The following GATA2 variants were observed in gnomAD, a reference collection of about 807,000 sequenced individuals.
GATA2 encodes the protein GATA binding protein 2.
Under a neutral mutation model 35.7 loss-of-function variants are expected in GATA2, and 6 were observed. The observed-to-expected ratio is 0.17, with a 90% CI of 0.09 to 0.33. The LOEUF (loss-of-function observed/expected upper bound fraction) is 0.33, where lower values mean the gene tolerates loss of function less well. Ranked by LOEUF, GATA2 falls within the 10% of genes least tolerant of loss-of-function variation. The pLI, the probability that GATA2 is intolerant of heterozygous loss-of-function variation, is 1.00. For missense variants in GATA2, 541 were observed against 656.6 expected (o/e 0.82, Z 1.92); for synonymous variants, 313 against 274.9 (o/e 1.14, Z -1.37).
At position 128,486,842 on chromosome 3, in the gene GATA2, C is replaced by A. The variant is rs370831063; in HGVS notation, c.190G>T (p.Ala64Ser). Residue 64 changes from alanine (A) to serine (S), a missense_variant, in exon 2 of 6, where the codon GCT becomes TCT. Coordinates refer to ENST00000341105, the MANE Select transcript of GATA2 (RefSeq NM_032638.5). ...TAGGAGACGCGCGCCCGCGCGTGAG[C>A]GGGGTTGGCATAGTAGGGGTTGCCC... Reference protein sequence around the residue: ...SQGNPYYANPAHARARVSYSP... With the variant: ...SQGNPYYANPSHARARVSYSP... 3.1e-6 allele frequency: 5 copies of A among 1,611,468 alleles called. No homozygotes were observed. In the East Asian group the frequency reaches 8.9e-5, roughly 29 times the overall value.
chr3:128,488,524 A>T lies in GATA2; in HGVS notation c.-45-1448T>A, dbSNP rs1373041837. On this transcript the variant is annotated intron_variant, in intron 1 of 5. Transcript: ENST00000341105. The surrounding 1 kb of genome is among the most constrained non-coding windows in gnomAD (Gnocchi z 5.8). Reference sequence around the variant, plus strand: ...ACGCGGCCGCTCAGGGCTGTGCTTGACCCAGTGGAGGTGGCCCGGCCGGTG... The same window carrying T: ...ACGCGGCCGCTCAGGGCTGTGCTTGTCCCAGTGGAGGTGGCCCGGCCGGTG... 2.6e-5 allele frequency: 4 copies of T among 152,028 alleles called. No individual in the cohort carries two copies. The highest frequency in any genetic ancestry group is 4.4e-5 in the Non-Finnish European group (3 of 68,178). 9.4% of individuals were successfully genotyped at this position (152,028 alleles called of 1,614,324 possible).
Position 128,486,939 on chromosome 3 carries a change from G to A in GATA2, c.93C>T (p.His31=), listed in dbSNP as rs1010470274. ...HPDSHHPGLA[H]NYMEPAQLLP... The stretch of plus-strand genomic sequence containing the variant: ...GCAGCTGCGCGGGTTCCATGTAGTT[G>A]TGCGCCAGGCCCGGGTGGTGTGAGT... The change falls in exon 2 of 6, where the codon CAC becomes CAT. Residue 31 remains histidine, a synonymous_variant. Coordinates refer to ENST00000341105, the MANE Select transcript of GATA2 (RefSeq NM_032638.5). 6.2e-7 allele frequency: 1 copy of A among 1,613,036 alleles called. No individual in the cohort carries two copies. The highest frequency in any genetic ancestry group is 8.5e-7 in the Non-Finnish European group (1 of 1,179,626).
Position 128,486,953 on chromosome 3 carries a change from G to C in GATA2, c.79C>G (p.Pro27Ala). 6.2e-7 allele frequency: 1 copy of C among 1,612,608 alleles called. No individual in the cohort carries two copies. Among genetic ancestry groups the C allele is most frequent in the Non-Finnish European group, 8.5e-7 (1 of 1,179,454 alleles). Reference protein sequence around the residue: ...LNAQHPDSHHPGLAHNYMEPA... With the variant: ...LNAQHPDSHHAGLAHNYMEPA... ...TCCATGTAGTTGTGCGCCAGGCCCG[G>C]GTGGTGTGAGTCGGGGTGCTGCGCA... Residue 27 changes from proline to alanine, a missense_variant, in exon 2 of 6, where the codon CCG becomes GCG. Around this residue, in one of 5 missense-constraint regions of GATA2, gnomAD observed 389 missense variants for 396.9 expected, o/e 0.98. Coordinates refer to ENST00000341105, the MANE Select transcript of GATA2 (RefSeq NM_032638.5).
At chr3:128,483,781 G>A (rs2068659696) in intron 4 of GATA2, 79 bp downstream of exon 4, 3 of 1,582,138 alleles carry the variant, frequency 1.9e-6, no homozygotes, top group Non-Finnish European at 2.6e-6. Flanking sequence ...GTCTGCATTT[G>A]AAGGAGTTTT....
rs984462931 is a variant in GATA2 at position 128,481,196 on chromosome 3, C to T, written c.1266G>A (p.Gln422=). ...ECFEELSKCM[Q]EKSSPFSAAA... ...CTGCACTGAAGGGGGATGACTTCTC[C>T]TGCATGCACTTTGACAGCTCCTCGA... The change falls in exon 6 of 6, where the codon CAG becomes CAA. Residue 422 remains glutamine (Q), a synonymous_variant. Coordinates refer to ENST00000341105, the MANE Select transcript of GATA2 (RefSeq NM_032638.5). 1 of 1,614,240 alleles carries T rather than the reference C, an allele frequency of 6.2e-7. No individual in the cohort carries two copies. The highest frequency in any genetic ancestry group is 1.7e-5 in the Admixed American group (1 of 60,034).
intron 1 of GATA2, chr3:128,490,416 G>C (rs1353368837): frequency 6.6e-6 from 1 of 152,258 alleles, no homozygotes; most frequent in Non-Finnish European, 1.5e-5. Context: ...ATCCGGTGTA[G>C]AGGAAAAAAA....
intron 1 of GATA2, chr3:128,492,099 A>T (rs2068774471): frequency 6.6e-6 from 1 of 152,176 alleles, no homozygotes; most frequent in Non-Finnish European, 1.5e-5. Flanking sequence ...ACCTCGGGAG[A>T]GGAGGCTTTT....
At chr3:128,484,781 C>G (rs1175457251) in intron 3 of GATA2, among the ~76,000 whole-genome samples, 1 of 152,054 alleles carries the variant, frequency 6.6e-6, no homozygotes, top group Non-Finnish European at 1.5e-5. Flanking sequence ...TCAGCGGGTG[C>G]TGGGGCCAGC....
chr3:128,487,437 T>G (rs574344137), intron 1 of GATA2, among the ~76,000 whole-genome samples: 1 of 150,814 alleles, frequency 6.6e-6, no homozygotes, highest in African/African-American at 2.4e-5. Flanking sequence ...GACTCAAAAG[T>G]TGGAGACAGG....
At position 128,481,931 on chromosome 3, in the gene GATA2, C is replaced by T. The variant is rs1559985140; in HGVS notation, c.1031G>A (p.Arg344Lys). ...KPKRRLSAARRAGTCCANCQT... is the reference protein window; with the variant it reads ...KPKRRLSAARKAGTCCANCQT... ...ACAATTTGCACAACAGGTGCCGGCT[C>T]TTCTGGCGGCCGACTGGGAGGGCAA... The change falls in exon 5 of 6, where the codon AGA (arginine) becomes AAA (lysine). Residue 344 changes from arginine (R) to lysine (K), a missense_variant. Arg to Lys is a conservative substitution (Grantham distance 26). Transcript: ENST00000341105. 5.0e-6 allele frequency: 8 copies of T among 1,613,700 alleles called. No individual in the cohort carries two copies. Among genetic ancestry groups the T allele is most frequent in the Non-Finnish European group, 6.8e-6 (8 of 1,180,014 alleles).
chr3:128,487,449 G>T (rs901822620), intron 1 of GATA2, among the ~76,000 whole-genome samples: 1 of 151,768 alleles, frequency 6.6e-6, no homozygotes, highest in South Asian at 2.1e-4. Flanking sequence ...GGAGACAGGC[G>T]CCCGGGCACC....
At position 128,480,792 on chromosome 3, in the gene GATA2, C is replaced by T. The variant is rs2068615645; in HGVS notation, c.*227G>A. 1.8e-6 allele frequency: 1 copy of T among 544,086 alleles called. No individual in the cohort carries two copies. Among genetic ancestry groups the T allele is most frequent in the Admixed American group, 3.4e-5 (1 of 29,682 alleles). The allele number at this position is 544,086 out of a possible 1,614,324, so 33.7% of individuals were successfully genotyped here. ...TCCTTGTTGTTCTCCAAACAACTGT[C>T]CATGCAGGAAACCCCACCTGGGCAG... On this transcript the variant is annotated 3_prime_UTR_variant, in exon 6 of 6. Transcript: ENST00000341105.
At position 128,480,746 on chromosome 3, in the gene GATA2, C is replaced by G; in HGVS notation, c.*273G>C. The G allele has an allele frequency of 2.1e-6, 1 of 466,992 alleles. No individual in the cohort carries two copies. The highest frequency in any genetic ancestry group is 3.8e-6 in the Non-Finnish European group (1 of 266,358). The allele number at this position is 466,992 out of a possible 1,614,324, so 28.9% of individuals were successfully genotyped here. A position where few individuals can be genotyped will look rare whatever the true frequency, so the allele number is the denominator to read the frequency against. On this transcript the variant is annotated 3_prime_UTR_variant, in exon 6 of 6. Coordinates refer to ENST00000341105, the MANE Select transcript of GATA2 (RefSeq NM_032638.5). ...GTTGCCTTCGTCTGTCCCGTCCCCT[C>G]CTTTTCTCTACATAAAGTTGTCCTT...
At position 128,483,842 on chromosome 3, in the gene GATA2, A is replaced by G; in HGVS notation, c.1017+18T>C. On this transcript the variant is annotated intron_variant, in intron 4 of 5. Transcript: ENST00000341105. ...CCTGCCCAGCAGCCCCCTCCCAGCC[A>G]CCTGTGCCCGCTCCTACCAGTCTTC... The G allele has an allele frequency of 6.2e-7, 1 of 1,613,976 alleles. No individual in the cohort carries two copies.
intron 1 of GATA2, chr3:128,490,169 C>T (rs1372621596): frequency 6.6e-6 from 1 of 152,228 alleles, no homozygotes; most frequent in Non-Finnish European, 1.5e-5. Context: ...CGGCGTCTAA[C>T]CCCTCCGCGG....
At chr3:128,481,454 T>C in intron 5 of GATA2, 136 bp from the exon 6 acceptor site, 2 of 976,016 alleles carry the variant, frequency 2.0e-6, no homozygotes, top group South Asian at 1.3e-5. Context: ...ACCTTCATAG[T>C]CCCATCACCA....
At chr3:128,483,757 T>G in intron 4 of GATA2, 103 bp downstream of exon 4, 1 of 1,477,238 alleles carries the variant, frequency 6.8e-7, no homozygotes, top group Non-Finnish European at 9.4e-7. Flanking sequence ...AAAGAGGATT[T>G]CAAGCGGCAA....
intron 3 of GATA2, among the ~76,000 whole-genome samples, chr3:128,484,289 C>A (rs2068667319): frequency 6.6e-6 from 1 of 152,180 alleles, no homozygotes; most frequent in Non-Finnish European, 1.5e-5. Context: ...GGGCCCCAGG[C>A]GTTCTGGAGC....
intron 4 of GATA2, among the ~76,000 whole-genome samples, chr3:128,482,882 G>A (rs911679001): frequency 2.0e-5 from 3 of 152,384 alleles, no homozygotes; most frequent in East Asian, 1.9e-4. Flanking sequence ...AACTGCAGGC[G>A]GGAGTGCACC....
Sources: allele counts gnomAD v4.1 joint callset (sites outside exome capture counted in the v4.1 genomes callset), GRCh38; gene constraint gnomAD v4.1.1; regional missense constraint gnomAD v4.1.1; non-coding constraint Gnocchi (gnomAD v3.1); transcripts MANE v1.5; gene names NCBI Gene and HGNC (gene_info 2026-07-23, HGNC 2026-07-21).